Variants in CTLA4 observed in about 807,000 individuals in gnomAD.
The protein encoded by CTLA4 is cytotoxic T-lymphocyte associated protein 4.
Under a neutral mutation model 20.4 loss-of-function variants are expected in CTLA4, and 3 were observed. That is an observed-to-expected ratio of 0.15 (90% CI 0.07 to 0.38). The LOEUF (loss-of-function observed/expected upper bound fraction) is 0.38. CTLA4 is among the 10% of genes least tolerant of loss of function. The pLI is 1.00. For synonymous variants in CTLA4, 100 were observed against 105.2 expected, an observed-to-expected ratio of 0.95 and a Z score of 0.30; for missense variants, 184 against 276.8, an observed-to-expected ratio of 0.66 and a Z score of 2.38.
At chr2:203,868,905 G>T (rs1251022450) in intron 1 of CTLA4, among the ~76,000 whole-genome samples, 1 of 152,122 alleles carries the variant, frequency 6.6e-6, no homozygotes, top group Non-Finnish European at 1.5e-5. Flanking sequence ...GTACTCAAAA[G>T]ATATTTGATG....
At position 203,873,159 on chromosome 2, in the gene CTLA4, G is replaced by A. The variant is rs1031016454; in HGVS notation, c.*347G>A. ...AGGGAGCGAGGGAGAAGACTATATT[G>A]TACACACCTTATATTTACGTATGAG... is the stretch of plus-strand genomic sequence containing the variant. On this transcript the variant is annotated 3_prime_UTR_variant, in exon 4 of 4. Transcript: ENST00000648405. 1.4e-5 allele frequency: 6 copies of A among 418,304 alleles called. No individual in the cohort carries two copies. The highest frequency in any genetic ancestry group is 2.1e-5 in the Non-Finnish European group (5 of 236,890). The allele number at this position is 418,304 out of a possible 1,614,324, so 25.9% of individuals were successfully genotyped here.
chr2:203,871,319 A>G, intron 2 of CTLA4, 59 bp from the exon 3 acceptor site: 1 of 1,425,956 alleles, frequency 7.0e-7, no homozygotes, highest in Non-Finnish European at 9.9e-7. Context: ...AATGTTGGGG[A>G]GTAGAGCCCT....
At position 203,867,911 on chromosome 2, in the gene CTLA4, C is replaced by A; in HGVS notation, c.-32C>A. Reference sequence around the variant, plus strand: ...GATCCTGAAAGGTTTTGCTCTACTTCCTGAAGACCTGAACACCGCTCCCAT... The same window carrying A: ...GATCCTGAAAGGTTTTGCTCTACTTACTGAAGACCTGAACACCGCTCCCAT... On this transcript the variant is annotated 5_prime_UTR_variant, in exon 1 of 4. Transcript: ENST00000648405. 2 of 1,547,922 alleles carry A rather than the reference C, an allele frequency of 1.3e-6. No homozygotes were observed. Among genetic ancestry groups the A allele is most frequent in the Non-Finnish European group, 1.8e-6 (2 of 1,121,022 alleles).
chr2:203,870,770 A>G lies in CTLA4; in HGVS notation c.294A>G (p.Leu98=). Reference sequence around the variant, plus strand: ...TGATGGGGAATGAGTTGACCTTCCTAGATGATTCCATCTGCACGGGCACCT... The same window carrying G: ...TGATGGGGAATGAGTTGACCTTCCTGGATGATTCCATCTGCACGGGCACCT... ...TYMMGNELTF[L]DDSICTGTSS... The change falls in exon 2 of 4, where the codon CTA becomes CTG. Residue 98 remains leucine (L), a synonymous_variant. Transcript: ENST00000648405. This position sits in a 1 kb window ranked among gnomAD's most constrained non-coding sequence, Gnocchi z 5.3. 1 of 1,614,178 alleles carries G rather than the reference A, an allele frequency of 6.2e-7. No homozygotes were observed. Among genetic ancestry groups the G allele is most frequent in the Non-Finnish European group, 8.5e-7 (1 of 1,180,036 alleles).
chr2:203,872,222 T>TTC (rs1177129383), intron 3 of CTLA4, among the ~76,000 whole-genome samples: 1 of 151,858 alleles, frequency 6.6e-6, no homozygotes, highest in Admixed American at 6.6e-5. Flanking sequence ...TTCTCGCTCT[T>TTC]TCTCTCTCTC....
At chr2:203,869,423 T>C (rs941114851) in intron 1 of CTLA4, among the ~76,000 whole-genome samples, 17 of 152,344 alleles carry the variant, frequency 1.1e-4, no homozygotes, top group African/African-American at 3.8e-4. Context: ...CAATGGCTGC[T>C]GCCAAACTGT....
rs760191875 is a variant in CTLA4, at chr2:203,872,840, A to G, written c.*28A>G. The G allele has an allele frequency of 1.4e-6, 2 of 1,414,244 alleles. No homozygotes were observed. Among genetic ancestry groups the G allele is most frequent in the South Asian group, 1.2e-5 (1 of 85,788 alleles). 87.6% of individuals were successfully genotyped at this position (1,414,244 alleles called of 1,614,324 possible). A position where few individuals can be genotyped will look rare whatever the true frequency, so the allele number is the denominator to read the frequency against. On this transcript the variant is annotated 3_prime_UTR_variant, in exon 4 of 4. Coordinates refer to ENST00000648405, the MANE Select transcript of CTLA4 (RefSeq NM_005214.5). ...AACCATTATGAAGAAGAGAGTCCAT[A>G]TTTCAATTTCCAAGAGCTGAGGCAA...
Position 203,873,792 on chromosome 2 carries a change from A to G in CTLA4, c.*980A>G, listed in dbSNP as rs1688780304. Reference sequence around the variant, plus strand: ...CCAGTTCGATGGGCCCAATTCTTACAAACATGTGGTTAATGCCATGGACAG... The same window carrying G: ...CCAGTTCGATGGGCCCAATTCTTACGAACATGTGGTTAATGCCATGGACAG... On this transcript the variant is annotated 3_prime_UTR_variant, in exon 4 of 4. Coordinates refer to ENST00000648405, the MANE Select transcript of CTLA4 (RefSeq NM_005214.5). 4.4e-6 allele frequency: 1 copy of G among 228,656 alleles called. No homozygotes were observed. The highest frequency in any genetic ancestry group is 2.2e-5 in the African/African-American group (1 of 44,980). The allele number at this position is 228,656 out of a possible 1,614,324, so 14.2% of individuals were successfully genotyped here.
rs1053216286 is a variant in CTLA4, at chr2:203,872,641, C to T, written c.568-67C>T. 8.5e-6 allele frequency: 8 copies of T among 943,110 alleles called. No homozygotes were observed. In the Admixed American group the frequency reaches 1.1e-4, roughly 13 times the overall value. The allele number at this position is 943,110 out of a possible 1,614,324, so 58.4% of individuals were successfully genotyped here. A position where few individuals can be genotyped will look rare whatever the true frequency, so the allele number is the denominator to read the frequency against. On this transcript the variant is annotated intron_variant, in intron 3 of 3. Coordinates refer to ENST00000648405, the MANE Select transcript of CTLA4 (RefSeq NM_005214.5). ...CTAGGGACCCAATATGTGTTGAGTT[C>T]TATTATGGTTAGAAGTGGCTTCCGT...
Position 203,867,868 on chromosome 2 carries a change from C to A in CTLA4, c.-75C>A. 9.2e-7 allele frequency: 1 copy of A among 1,081,764 alleles called. No homozygotes were observed. Among genetic ancestry groups the A allele is most frequent in the Non-Finnish European group, 1.4e-6 (1 of 716,234 alleles). The allele number at this position is 1,081,764 out of a possible 1,614,324, so 67.0% of individuals were successfully genotyped here. A position where few individuals can be genotyped will look rare whatever the true frequency, so the allele number is the denominator to read the frequency against. On this transcript the variant is annotated 5_prime_UTR_variant, in exon 1 of 4. Coordinates refer to ENST00000648405, the MANE Select transcript of CTLA4 (RefSeq NM_005214.5). Reference sequence around the variant, plus strand: ...GTCCTTGATTCTGTGTGGGTTCAAACACATTTCAAAGCTTCAGGATCCTGA... The same window carrying A: ...GTCCTTGATTCTGTGTGGGTTCAAAAACATTTCAAAGCTTCAGGATCCTGA...
rs1559591611 is a variant in CTLA4 at position 203,870,541 on chromosome 2, AAGGAGC to A, written c.110-43_110-38del. The A allele has an allele frequency of 6.3e-7, 1 of 1,591,272 alleles. No homozygotes were observed. The highest frequency in any genetic ancestry group is 2.2e-5 in the East Asian group (1 of 44,542). ...AAGGGCTTGCCTGGGCTTGGCCATG[AAGGAGC>A]ATGAGTTCACTGAGTTCCCTTTGGC... On this transcript the variant is annotated intron_variant, in intron 1 of 3. Coordinates refer to ENST00000648405, the MANE Select transcript of CTLA4 (RefSeq NM_005214.5). The surrounding 1 kb of genome is among the most constrained non-coding windows in gnomAD (Gnocchi z 5.3).
chr2:203,869,873 T>C (rs535151674), intron 1 of CTLA4, among the ~76,000 whole-genome samples: 1 of 152,218 alleles, frequency 6.6e-6, no homozygotes, highest in South Asian at 2.1e-4. Context: ...AGCGGTGGTG[T>C]CAGGGGAAGC....
rs1171343102 is a variant in CTLA4 at position 203,867,804 on chromosome 2, T to C, written c.-139T>C. The C allele has an allele frequency of 1.7e-6, 1 of 586,800 alleles. No individual in the cohort carries two copies. Among genetic ancestry groups the C allele is most frequent in the African/African-American group, 1.9e-5 (1 of 53,932 alleles). 36.3% of individuals were successfully genotyped at this position (586,800 alleles called of 1,614,324 possible). A position where few individuals can be genotyped will look rare whatever the true frequency, so the allele number is the denominator to read the frequency against. On this transcript the variant is annotated 5_prime_UTR_variant, in exon 1 of 4. The change abolishes an upstream ATG in the 5' untranslated region. Coordinates refer to ENST00000648405, the MANE Select transcript of CTLA4 (RefSeq NM_005214.5). Reference sequence around the variant, plus strand: ...TTCAAGTGCCTTCTGTGTGTGCACATGTGTAATACATATCTGGGATCAAAG... The same window carrying C: ...TTCAAGTGCCTTCTGTGTGTGCACACGTGTAATACATATCTGGGATCAAAG...
chr2:203,869,517 G>T (rs1688689905), intron 1 of CTLA4, among the ~76,000 whole-genome samples: 1 of 152,232 alleles, frequency 6.6e-6, no homozygotes, highest in Admixed American at 6.5e-5. Context: ...TTATAAGCAG[G>T]AAAGTGTGTC....
chr2:203,870,433 T>A lies in CTLA4; in HGVS notation c.110-153T>A, dbSNP rs1581573462. 1.8e-6 allele frequency: 1 copy of A among 545,888 alleles called. No individual in the cohort carries two copies. Among genetic ancestry groups the A allele is most frequent in the East Asian group, 3.1e-5 (1 of 32,518 alleles). The allele number at this position is 545,888 out of a possible 1,614,324, so 33.8% of individuals were successfully genotyped here. A position where few individuals can be genotyped will look rare whatever the true frequency, so the allele number is the denominator to read the frequency against. On this transcript the variant is annotated intron_variant, in intron 1 of 3. Transcript: ENST00000648405. This position sits in a 1 kb window ranked among gnomAD's most constrained non-coding sequence, Gnocchi z 5.3. ...AACAGTTGAGAGATGGAGGGGAGGC[T>A]GGGGGTGTGGAGAGGGGAAGGGGTA...
At position 203,871,277 on chromosome 2, in the gene CTLA4, AG is replaced by A. The variant is rs1688727190; in HGVS notation, c.458-99del. ...CCATGCAATTTAGGGGTGGACCTCA[AG>A]GCCTGGAAGCTCTAATGTCCTTTTT... On this transcript the variant is annotated intron_variant, in intron 2 of 3. Coordinates refer to ENST00000648405, the MANE Select transcript of CTLA4 (RefSeq NM_005214.5). The A allele has an allele frequency of 2.9e-6, 3 of 1,022,918 alleles. No homozygotes were observed. In the South Asian group the frequency reaches 4.4e-5, roughly 15 times the overall value. The allele number at this position is 1,022,918 out of a possible 1,614,324, so 63.4% of individuals were successfully genotyped here.
rs1261874233 is a variant in CTLA4 at position 203,870,497 on chromosome 2, G to C, written c.110-89G>C. On this transcript the variant is annotated intron_variant, in intron 1 of 3. Transcript: ENST00000648405. The surrounding 1 kb of genome is among the most constrained non-coding windows in gnomAD (Gnocchi z 5.3). ...TTGAAGGGGGGAGAAAAGGCCGTGG[G>C]GATGAAGCTAGAAGGCAGAAGGGCT... The C allele has an allele frequency of 7.0e-7, 1 of 1,420,638 alleles. No homozygotes were observed. Among genetic ancestry groups the C allele is most frequent in the African/African-American group, 1.4e-5 (1 of 70,870 alleles). The allele number at this position is 1,420,638 out of a possible 1,614,324, so 88.0% of individuals were successfully genotyped here.
intron 1 of CTLA4, among the ~76,000 whole-genome samples, chr2:203,869,656 C>CA (rs1688692586): frequency 6.6e-6 from 1 of 152,202 alleles, no homozygotes; most frequent in African/African-American, 2.4e-5. Context: ...TGAGTGACAT[C>CA]ATGCAACACA....
chr2:203,873,787 C>T lies in CTLA4; in HGVS notation c.*975C>T, dbSNP rs1688780265. 1 of 228,102 alleles carries T rather than the reference C, an allele frequency of 4.4e-6. No individual in the cohort carries two copies. Among genetic ancestry groups the T allele is most frequent in the Non-Finnish European group, 8.7e-6 (1 of 114,690 alleles). 14.1% of individuals were successfully genotyped at this position (228,102 alleles called of 1,614,324 possible). A position where few individuals can be genotyped will look rare whatever the true frequency, so the allele number is the denominator to read the frequency against. On this transcript the variant is annotated 3_prime_UTR_variant, in exon 4 of 4. Coordinates refer to ENST00000648405, the MANE Select transcript of CTLA4 (RefSeq NM_005214.5). ...AAGCTCCAGTTCGATGGGCCCAATT[C>T]TTACAAACATGTGGTTAATGCCATG...
Sources: allele counts gnomAD v4.1 joint callset (sites outside exome capture counted in the v4.1 genomes callset), GRCh38; gene constraint gnomAD v4.1.1; non-coding constraint Gnocchi (gnomAD v3.1); transcripts MANE v1.5; gene names NCBI Gene and HGNC (gene_info 2026-07-23, HGNC 2026-07-21).